Variants in TIAM2 observed in about 807,000 individuals in gnomAD.
TIAM2 encodes TIAM Rac1 associated GEF 2, also known as rho guanine nucleotide exchange factor TIAM2.
Under a neutral mutation model 152.9 loss-of-function variants are expected in TIAM2, and 80 were observed. That is an observed-to-expected ratio of 0.52 (90% confidence interval 0.44 to 0.63). The LOEUF (loss-of-function observed/expected upper bound fraction) is 0.63, where lower values mean the gene tolerates loss of function less well. Among genes scored for constraint, TIAM2 ranks in the 30% least tolerant of loss-of-function variants. TIAM2 has a pLI of 0.00. For missense variants in TIAM2, 1,965 were observed against 2,120.1 expected, an observed-to-expected ratio of 0.93 and a Z score of 1.44; for synonymous variants, 804 against 838.0, an observed-to-expected ratio of 0.96 and a Z score of 0.70.
At chr6:155,104,554 G>C (rs530477408) in intron 2 of TIAM2, among the ~76,000 whole-genome samples, 4 of 152,006 alleles carry the variant, frequency 2.6e-5, no homozygotes, top group Non-Finnish European at 2.9e-5. Flanking sequence ...TCAGGAGATC[G>C]AGACCATCCT....
At chr6:155,100,927 C>T (rs1391412941) in intron 2 of TIAM2, among the ~76,000 whole-genome samples, 1 of 152,172 alleles carries the variant, frequency 6.6e-6, no homozygotes, top group Non-Finnish European at 1.5e-5. Context: ...CAGAGGGACT[C>T]TAAATTGTGG....
At chr6:155,228,812 A>G (rs2171081) in intron 15 of TIAM2, among the ~76,000 whole-genome samples, 23,707 of 152,038 alleles carry the variant, frequency 0.16, 3,170 homozygotes, top group African/African-American at 0.35. Flanking sequence ...TCCTGTTCCC[A>G]CCGCTCTGGC....
At position 155,133,776 on chromosome 6, in the gene TIAM2, C is replaced by T. The variant is rs1395178006; in HGVS notation, c.1194+3359C>T. 3.3e-5 allele frequency among the ~76,000 whole-genome samples: 5 copies of T among 151,688 alleles called. 1 individual carries two copies. The Middle Eastern group carries it at 0.017, about 519-fold the overall frequency. ...TGAGATGGAGTCTTGCTCTTTTTGC[C>T]CAGGCTGTAGTGCAGTGGCGCCATG... On this transcript the variant is annotated intron_variant, in intron 4 of 26. Transcript: ENST00000682666.
At chr6:155,086,150 G>A (rs1380561371) in intron 1 of TIAM2, among the ~76,000 whole-genome samples, 2 of 152,324 alleles carry the variant, frequency 1.3e-5, no homozygotes, top group South Asian at 2.1e-4. Flanking sequence ...TGTGAGGAAC[G>A]CAGAGAGGGT....
intron 2 of TIAM2, among the ~76,000 whole-genome samples, chr6:155,091,684 G>T: frequency 6.6e-6 from 1 of 152,210 alleles, no homozygotes; most frequent in South Asian, 2.1e-4. Flanking sequence ...CTTTGTTTGT[G>T]TTGACCTTTT....
chr6:155,067,798 C>A (rs916093700), intron 1 of TIAM2, among the ~76,000 whole-genome samples: 1 of 152,072 alleles, frequency 6.6e-6, no homozygotes, highest in South Asian at 2.1e-4. Context: ...TGCACCACCA[C>A]GCCTGGCTAA....
chr6:155,158,275 A>G (rs1179573325), intron 7 of TIAM2, among the ~76,000 whole-genome samples: 1 of 152,218 alleles, frequency 6.6e-6, no homozygotes, highest in Non-Finnish European at 1.5e-5. Flanking sequence ...ATTAGGCTTC[A>G]TCCCTCTCCC....
rs36086677 is a variant in TIAM2 at position 155,202,883 on chromosome 6, CAAAAAAAAAAAA to C, written c.3065-8312_3065-8301del. On this transcript the variant is annotated intron_variant, in intron 14 of 26. Transcript: ENST00000682666. Reference sequence around the variant, plus strand: ...CAAAACCCCATCTCTACTAAAAATACAAAAAAAAAAAAAAAAAAAATTAGCCGGATGTGGTGG... The same window carrying C: ...CAAAACCCCATCTCTACTAAAAATACAAAAAAAATTAGCCGGATGTGGTGG... Among the ~76,000 whole-genome samples, 5 of 109,180 alleles carry C rather than the reference CAAAAAAAAAAAA, an allele frequency of 4.6e-5. No individual in the cohort carries two copies. The Admixed American group carries it at 4.9e-4, about 11-fold the overall frequency. 71.6% of individuals were successfully genotyped at this position (109,180 alleles called of 152,430 possible).
intron 9 of TIAM2, chr6:155,169,042 CTGGAGTGCAG>C (rs1290041670): frequency 1.1e-6 from 1 of 900,104 alleles, no homozygotes. Context: ...GTTGCCCAGG[CTGGAGTGCAG>C]TGGCACGATC....
At chr6:155,099,119 A>T (rs1176397146) in intron 2 of TIAM2, among the ~76,000 whole-genome samples, 2 of 61,134 alleles carry the variant, frequency 3.3e-5, no homozygotes, top group African/African-American at 5.2e-5. Context: ...CCCGGGAGTC[A>T]GAGGTTGCGG....
At chr6:155,028,704 G>T in intron 1 of TIAM2, among the ~76,000 whole-genome samples, 1 of 116,536 alleles carries the variant, frequency 8.6e-6, no homozygotes, top group Non-Finnish European at 1.7e-5. Context: ...TATATACTGT[G>T]TTATATATAT....
At chr6:155,160,266 A>G (rs1339064546) in intron 7 of TIAM2, among the ~76,000 whole-genome samples, 1 of 151,996 alleles carries the variant, frequency 6.6e-6, no homozygotes, top group African/African-American at 2.4e-5. Flanking sequence ...CCAAGGGGGA[A>G]AAAAAGCCAG....
At chr6:155,165,585 A>G (rs565025078) in intron 9 of TIAM2, among the ~76,000 whole-genome samples, 176 bp downstream of exon 9, 4 of 152,296 alleles carry the variant, frequency 2.6e-5, no homozygotes, top group African/African-American at 9.6e-5. Flanking sequence ...GGGCCACCTG[A>G]GCCCAGGACT....
intron 2 of TIAM2, among the ~76,000 whole-genome samples, chr6:155,095,671 T>C (rs1294911376): frequency 6.6e-6 from 1 of 152,222 alleles, no homozygotes; most frequent in Non-Finnish European, 1.5e-5. Context: ...AAGGTTGGGC[T>C]AGATAGATGA....
At chr6:155,210,259 T>G (rs1028333662) in intron 14 of TIAM2, among the ~76,000 whole-genome samples, 1 of 151,954 alleles carries the variant, frequency 6.6e-6, no homozygotes, top group African/African-American at 2.4e-5. Flanking sequence ...AATTTTAAAT[T>G]TTCATTTTTA....
intron 14 of TIAM2, among the ~76,000 whole-genome samples, chr6:155,184,025 G>A (rs1397025911): frequency 1.3e-5 from 2 of 151,854 alleles, no homozygotes; most frequent in East Asian, 3.9e-4. Flanking sequence ...GTCTCACTCT[G>A]TCACCCAGGC....
At chr6:155,082,015 G>A (rs1028625436) in intron 1 of TIAM2, among the ~76,000 whole-genome samples, 1 of 152,120 alleles carries the variant, frequency 6.6e-6, no homozygotes, top group African/African-American at 2.4e-5. Context: ...GAAGCACTTT[G>A]CTCAATCTAA....
rs374780620 is a variant in TIAM2 at position 155,100,276 on chromosome 6, G to T, written c.-118+9897G>T. Among the ~76,000 whole-genome samples the T allele has an allele frequency of 1.8e-4, 27 of 152,346 alleles. No homozygotes were observed. In the South Asian group the frequency reaches 4.4e-3, roughly 25 times the overall value. Reference sequence around the variant, plus strand: ...TCCCACAGTGTGGAGCATAGAGCAGGAGGCAGGAGCAGGTGGCCAGCTGCC... The same window carrying T: ...TCCCACAGTGTGGAGCATAGAGCAGTAGGCAGGAGCAGGTGGCCAGCTGCC... On this transcript the variant is annotated intron_variant, in intron 2 of 26. Transcript: ENST00000682666.
Position 155,218,180 on chromosome 6 carries a change from A to G in TIAM2, c.3168+6873A>G, listed in dbSNP as rs183932457. Reference sequence around the variant, plus strand: ...AGTCTTTCTCCATGGTTGCTATTCAATAGATGAATAGAATCATGATCCTTT... The same window carrying G: ...AGTCTTTCTCCATGGTTGCTATTCAGTAGATGAATAGAATCATGATCCTTT... On this transcript the variant is annotated intron_variant, in intron 15 of 26. Transcript: ENST00000682666. This position sits in a 1 kb window ranked among gnomAD's most constrained non-coding sequence, Gnocchi z 4.5. Among the ~76,000 whole-genome samples, 151 of 152,370 alleles carry G rather than the reference A, an allele frequency of 9.9e-4. 1 individual carries two copies. Among genetic ancestry groups the G allele is most frequent in the African/African-American group, 3.5e-3 (147 of 41,592 alleles).
Sources: allele counts gnomAD v4.1 joint callset (sites outside exome capture counted in the v4.1 genomes callset), GRCh38; gene constraint gnomAD v4.1.1; non-coding constraint Gnocchi (gnomAD v3.1); transcripts MANE v1.5; gene names NCBI Gene and HGNC (gene_info 2026-07-23, HGNC 2026-07-21).